HELB: variants seen among roughly 807,000 people sequenced by gnomAD.
HELB encodes DNA 5'-3' helicase B.
A neutral mutation model predicts 101.7 loss-of-function variants in HELB; 96 were observed. The ratio of observed to expected loss-of-function variants is 0.94; its 90% CI spans 0.80 to 1.12. HELB has a LOEUF of 1.12. HELB is among the 50% of genes most tolerant of loss of function. The pLI is 0.00. For synonymous variants in HELB, 437 were observed against 459.7 expected (o/e 0.95, Z 0.63); for missense variants, 1,210 against 1,291.9 (o/e 0.94, Z 0.97).
chr12:66,323,562 A>G (rs1415536990), intron 9 of HELB, among the ~76,000 whole-genome samples: 2 of 152,226 alleles, frequency 1.3e-5, no homozygotes, highest in Non-Finnish European at 2.9e-5. Context: ...TTGTACTGAT[A>G]TAGTGCCATA....
intron 3 of HELB, 82 bp from the exon 4 acceptor site, chr12:66,309,624 G>A (rs1436908327): frequency 1.1e-6 from 1 of 943,002 alleles, no homozygotes. Context: ...ATGTCTTCTG[G>A]GATTTAAAAA....
At chr12:66,334,510 C>T (rs2053844803) in intron 12 of HELB, among the ~76,000 whole-genome samples, 1 of 148,624 alleles carries the variant, frequency 6.7e-6, no homozygotes, top group African/African-American at 2.5e-5. Flanking sequence ...CACAGTGGCT[C>T]ACACCTGTAA....
intron 7 of HELB, 110 bp downstream of exon 7, chr12:66,318,902 G>A (rs1447774121): frequency 3.8e-6 from 3 of 787,002 alleles, no homozygotes; most frequent in African/African-American, 3.7e-5. Context: ...GAGAAATATT[G>A]CTAGCAAAAA....
chr12:66,306,963 T>G (rs2053484024), intron 3 of HELB, among the ~76,000 whole-genome samples: 1 of 152,236 alleles, frequency 6.6e-6, no homozygotes. Context: ...TGGTATATCA[T>G]GGTGTCATTT....
At chr12:66,336,833 C>T (rs17120626) in intron 12 of HELB, among the ~76,000 whole-genome samples, 4,418 of 152,212 alleles carry the variant, frequency 0.029, 229 homozygotes, top group African/African-American at 0.099. Flanking sequence ...CTGATTGCAA[C>T]TGAGAACAGT....
chr12:66,325,820 C>A (rs2053730553), intron 11 of HELB, among the ~76,000 whole-genome samples: 1 of 152,064 alleles, frequency 6.6e-6, no homozygotes, highest in African/African-American at 2.4e-5. Flanking sequence ...TGAGTTTTGA[C>A]AAATGTATCC....
At chr12:66,308,043 T>TA (rs10686380) in intron 3 of HELB, among the ~76,000 whole-genome samples, 4,653 of 107,994 alleles carry the variant, frequency 0.043, 214 homozygotes, top group African/African-American at 0.11. Flanking sequence ...CTACCTCCTC[T>TA]AAAAAAAAAA....
intron 5 of HELB, 59 bp from the exon 6 acceptor site, chr12:66,315,183 A>T: frequency 1.6e-6 from 2 of 1,271,280 alleles, no homozygotes; most frequent in Non-Finnish European, 2.1e-6. Context: ...AATTTTAAAC[A>T]ATCTTGGGGG....
chr12:66,328,668 T>G (rs1342699635), intron 11 of HELB, among the ~76,000 whole-genome samples: 2 of 152,320 alleles, frequency 1.3e-5, no homozygotes, highest in Admixed American at 1.3e-4. Flanking sequence ...AACTACAAAT[T>G]TTATGAACTC....
At chr12:66,325,532 C>T (rs968643516) in intron 11 of HELB, among the ~76,000 whole-genome samples, 17 of 152,208 alleles carry the variant, frequency 1.1e-4, no homozygotes, top group African/African-American at 4.1e-4. Context: ...TTCTTGGGAA[C>T]CCATTAAATT....
intron 2 of HELB, 147 bp from the exon 3 acceptor site, chr12:66,306,198 A>G: frequency 2.0e-6 from 1 of 503,108 alleles, no homozygotes; most frequent in Non-Finnish European, 3.4e-6. Flanking sequence ...AATATGATCA[A>G]AATTTTCTTA....
intron 11 of HELB, 109 bp from the exon 12 acceptor site, chr12:66,331,045 A>G: frequency 1.6e-6 from 2 of 1,215,786 alleles, no homozygotes; most frequent in Non-Finnish European, 2.3e-6. Context: ...TAGTCTGGCC[A>G]GGTAGAAGTG....
intron 11 of HELB, among the ~76,000 whole-genome samples, chr12:66,325,937 A>C (rs969824232): frequency 6.6e-6 from 1 of 152,164 alleles, no homozygotes; most frequent in African/African-American, 2.4e-5. Flanking sequence ...GAGAGTTTTC[A>C]TATACCTTTC....
At chr12:66,322,565 C>CA (rs58441074) in intron 8 of HELB, among the ~76,000 whole-genome samples, 159 bp from the exon 9 acceptor site, 11 of 125,578 alleles carry the variant, frequency 8.8e-5, no homozygotes, top group East Asian at 6.8e-4. Flanking sequence ...GACGCTGTCT[C>CA]AAAAAAAAAA....
intron 5 of HELB, among the ~76,000 whole-genome samples, chr12:66,314,834 C>A (rs935344589): frequency 1.3e-5 from 2 of 152,122 alleles, no homozygotes; most frequent in African/African-American, 2.4e-5. Flanking sequence ...CAGAACATCA[C>A]TATTAGATTA....
rs545754021 is a variant in HELB, at chr12:66,316,391, A to T, written c.2000+1008A>T. Among the ~76,000 whole-genome samples the T allele has an allele frequency of 2.0e-5, 3 of 152,152 alleles. No individual in the cohort carries two copies. In the South Asian group the frequency reaches 6.2e-4, roughly 32 times the overall value. ...TATGTTAGTCATTGTACCAAAATGTATATCTGGTTTTTACTCTTTTTTACA... is the reference window on the plus strand; with the variant it reads ...TATGTTAGTCATTGTACCAAAATGTTTATCTGGTTTTTACTCTTTTTTACA... On this transcript the variant is annotated intron_variant, in intron 6 of 12. Transcript: ENST00000247815.
chr12:66,331,054 T>C, intron 11 of HELB, 100 bp from the exon 12 acceptor site: 1 of 1,336,536 alleles, frequency 7.5e-7, no homozygotes, highest in African/African-American at 1.5e-5. Flanking sequence ...CAGGTAGAAG[T>C]GCTTGAGAGC....
chr12:66,325,217 G>T, intron 11 of HELB, 91 bp downstream of exon 11: 2 of 832,938 alleles, frequency 2.4e-6, no homozygotes, highest in South Asian at 3.5e-5. Flanking sequence ...GCACTTATTA[G>T]CAAACAAAAA....
intron 7 of HELB, among the ~76,000 whole-genome samples, chr12:66,319,066 C>T (rs1668220601): frequency 6.6e-6 from 1 of 151,986 alleles, no homozygotes; most frequent in African/African-American, 2.4e-5. Flanking sequence ...AAAGCAAAGC[C>T]CCAATAATTC....
Sources: allele counts gnomAD v4.1 joint callset (sites outside exome capture counted in the v4.1 genomes callset), GRCh38; gene constraint gnomAD v4.1.1; transcripts MANE v1.5; gene names NCBI Gene and HGNC (gene_info 2026-07-23, HGNC 2026-07-21).